The following XRN2 variants were observed in gnomAD, a reference collection of about 807,000 sequenced individuals.
XRN2 encodes the protein 5'-3' exoribonuclease 2.
Under a neutral mutation model 138.5 loss-of-function variants are expected in XRN2, and 44 were observed. The ratio of observed to expected loss-of-function variants is 0.32; its 90% confidence interval spans 0.25 to 0.41. XRN2 has a LOEUF of 0.41. Among genes scored for constraint, XRN2 ranks in the 10% least tolerant of loss-of-function variants. The pLI is 1.00. For synonymous variants in XRN2, 354 were observed against 369.4 expected (o/e 0.96, Z 0.48); for missense variants, 937 against 1,169.3 (o/e 0.80, Z 2.90).
chr20:21,327,632 T>C (rs771367517), intron 3 of XRN2, among the ~76,000 whole-genome samples: 1 of 152,198 alleles, frequency 6.6e-6, no homozygotes, highest in Non-Finnish European at 1.5e-5. Context: ...TTAGCTTTAC[T>C]CCAGTGTGTT....
intron 16 of XRN2, 26 bp from the exon 17 acceptor site, chr20:21,346,389 C>G: frequency 6.2e-7 from 1 of 1,613,016 alleles, no homozygotes; most frequent in African/African-American, 1.3e-5. Context: ...GTTAATTCAG[C>G]ATAAATGAGC....
chr20:21,379,214 G>T (rs777588547), intron 27 of XRN2, among the ~76,000 whole-genome samples: 1 of 152,106 alleles, frequency 6.6e-6, no homozygotes, highest in Non-Finnish European at 1.5e-5. Context: ...TTCCACTCTC[G>T]CCTGTACCTT....
At chr20:21,377,108 T>A (rs542321144) in intron 27 of XRN2, among the ~76,000 whole-genome samples, 7 of 152,260 alleles carry the variant, frequency 4.6e-5, no homozygotes, top group Admixed American at 4.6e-4. Flanking sequence ...CCTGATACTT[T>A]TGTAAGAAAT....
In XRN2 at chr20:21,384,760, C is replaced by T. The variant is rs540357139; in HGVS notation, c.2649-2108C>T. Among the ~76,000 whole-genome samples, 127 of 152,236 alleles carry T rather than the reference C, an allele frequency of 8.3e-4. 1 individual carries two copies. In the Middle Eastern group the frequency reaches 0.017, roughly 20 times the overall value. ...TGCCTGCCTCGGCCTCCTGGAGTGC[C>T]GGGATTACAGGCTGAGTTACTGTGC... On this transcript the variant is annotated intron_variant, in intron 28 of 29. Coordinates refer to ENST00000377191, the MANE Select transcript of XRN2 (RefSeq NM_012255.5).
chr20:21,303,854 T>G (rs896055147), intron 1 of XRN2: 10 of 1,022,958 alleles, frequency 9.8e-6, no homozygotes, highest in African/African-American at 3.4e-5. Flanking sequence ...CCAGGTCAGC[T>G]GAGCTAGCGG....
intron 15 of XRN2, among the ~76,000 whole-genome samples, chr20:21,343,334 C>T (rs946290558): frequency 6.6e-6 from 1 of 151,652 alleles, no homozygotes; most frequent in Non-Finnish European, 1.5e-5. Flanking sequence ...TTAAAATTAA[C>T]GTATTATGTT....
At chr20:21,364,533 G>T (rs909441563) in intron 24 of XRN2, among the ~76,000 whole-genome samples, 1 of 152,154 alleles carries the variant, frequency 6.6e-6, no homozygotes, top group African/African-American at 2.4e-5. Context: ...CTGTCCAGGC[G>T]CGGTGGCTCA....
chr20:21,356,728 T>C (rs920331814), intron 23 of XRN2, 63 bp downstream of exon 23: 3 of 1,378,024 alleles, frequency 2.2e-6, no homozygotes, highest in Non-Finnish European at 3.0e-6. Context: ...ATTTTTTTCC[T>C]TGTTGTCTAA....
At chr20:21,384,782 G>T (rs1455060862) in intron 28 of XRN2, among the ~76,000 whole-genome samples, 3 of 152,198 alleles carry the variant, frequency 2.0e-5, no homozygotes, top group Non-Finnish European at 4.4e-5. Context: ...CTGAGTTACT[G>T]TGCCTGGCCT....
intron 27 of XRN2, among the ~76,000 whole-genome samples, chr20:21,378,949 C>T (rs2038854110): frequency 6.6e-6 from 1 of 152,170 alleles, no homozygotes. Flanking sequence ...AGTACTCAGT[C>T]TGAATAAAGC....
intron 24 of XRN2, among the ~76,000 whole-genome samples, chr20:21,362,071 G>A (rs1255764259): frequency 6.6e-6 from 1 of 152,024 alleles, no homozygotes; most frequent in Non-Finnish European, 1.5e-5. Flanking sequence ...ATCTCCTAAT[G>A]GTTTGTATTG....
chr20:21,353,152 T>A (rs560422609), intron 20 of XRN2, among the ~76,000 whole-genome samples: 6 of 144,758 alleles, frequency 4.1e-5, no homozygotes, highest in East Asian at 2.0e-4. Context: ...TATTTAATAT[T>A]TAATATATAA....
At chr20:21,368,431 A>AT (rs762416384) in intron 26 of XRN2, 32 bp from the exon 27 acceptor site, 229 of 1,594,596 alleles carry the variant, frequency 1.4e-4, no homozygotes, top group Admixed American at 2.2e-4. Context: ...TCACTATACA[A>AT]TTTTTTTTTC....
rs761622310 is a variant in XRN2 at position 21,377,264 on chromosome 20, C to CTTTTTTTTTTTTTTTTTTTTTTT, written c.2585-4716_2585-4715insTTTTTTTTTTTTTTTTTTTTTTT. Among the ~76,000 whole-genome samples the CTTTTTTTTTTTTTTTTTTTTTTT allele has an allele frequency of 1.6e-3, 134 of 82,782 alleles. 25 individuals carry two copies. Among genetic ancestry groups the CTTTTTTTTTTTTTTTTTTTTTTT allele is most frequent in the African/African-American group, 4.7e-3 (87 of 18,678 alleles). The allele number at this position is 82,782 out of a possible 152,430, so 54.3% of individuals were successfully genotyped here. On this transcript the variant is annotated intron_variant, in intron 27 of 29. Transcript: ENST00000377191. ...CCAACATATGATTTGTCGGTTTTTT[C>CTTTTTTTTTTTTTTTTTTTTTTT]TTTTTTTTTTTTTTGGTCAGTCTTG...
At chr20:21,317,036 C>A (rs988707176) in intron 1 of XRN2, among the ~76,000 whole-genome samples, 12 of 152,116 alleles carry the variant, frequency 7.9e-5, no homozygotes, top group Non-Finnish European at 1.2e-4. Flanking sequence ...TATACACAAT[C>A]ATGTCATGTG....
chr20:21,370,763 G>A (rs2038752773), intron 27 of XRN2, among the ~76,000 whole-genome samples: 1 of 152,202 alleles, frequency 6.6e-6, no homozygotes. Context: ...ATAGTTGAAT[G>A]TTAGACTTCA....
intron 4 of XRN2, among the ~76,000 whole-genome samples, chr20:21,329,550 C>G (rs1305068424): frequency 6.6e-6 from 1 of 152,120 alleles, no homozygotes; most frequent in Non-Finnish European, 1.5e-5. Flanking sequence ...TTGAATTTTG[C>G]TGGAAGTGTA....
chr20:21,371,564 T>C (rs146558049), intron 27 of XRN2, among the ~76,000 whole-genome samples: 72 of 152,390 alleles, frequency 4.7e-4, no homozygotes, highest in African/African-American at 1.6e-3. Context: ...TCATACCATG[T>C]ACAACAGGAG....
chr20:21,366,828 C>G (rs2038710371), intron 26 of XRN2, among the ~76,000 whole-genome samples: 1 of 152,170 alleles, frequency 6.6e-6, no homozygotes, highest in Admixed American at 6.5e-5. Context: ...CTCTGCTTTT[C>G]TTCATTTTTA....
Sources: gnomAD v4.1 joint callset for allele counts (sites outside exome capture counted in the v4.1 genomes callset) on GRCh38, gnomAD v4.1.1 for gene constraint, MANE v1.5 for transcripts, NCBI Gene and HGNC (gene_info 2026-07-23, HGNC 2026-07-21) for gene names.